Variants in ACAN observed in about 807,000 individuals in gnomAD.
The protein encoded by ACAN is aggrecan core protein.
Under a neutral mutation model 169.1 loss-of-function variants are expected in ACAN, and 47 were observed. The ratio of observed to expected loss-of-function variants is 0.28; its 90% CI spans 0.22 to 0.35. ACAN has a LOEUF of 0.35. Ranked by LOEUF, ACAN falls within the 10% of genes least tolerant of loss-of-function variation. The pLI, the probability that ACAN is intolerant of heterozygous loss-of-function variation, is 1.00. For synonymous variants in ACAN, 1,115 were observed against 1,112.2 expected, an observed-to-expected ratio of 1.00 and a Z score of -0.05; for missense variants, 2,716 against 2,759.9, an observed-to-expected ratio of 0.98 and a Z score of 0.36.
In ACAN at chr15:88,817,051, T is replaced by C. The variant is rs1460836501; in HGVS notation, c.-8+13242T>C. Among the ~76,000 whole-genome samples the C allele has an allele frequency of 2.6e-5, 4 of 152,228 alleles. No homozygotes were observed. The East Asian group carries it at 7.7e-4, about 29-fold the overall frequency. On this transcript the variant is annotated intron_variant, in intron 1 of 18. Coordinates refer to ENST00000560601, the MANE Select transcript of ACAN (RefSeq NM_001369268.1). ...CCACCTTGGTCACTGGGGAGCCCTT[T>C]GGCTTTACATAAAACTCCTGCTCTC...
Position 88,874,428 on chromosome 15 carries a change from C to T in ACAN, c.7654C>T (p.Gln2552Ter). 6.2e-7 allele frequency: 1 copy of T among 1,607,266 alleles called. No homozygotes were observed. The highest frequency in any genetic ancestry group is 1.7e-5 in the Admixed American group (1 of 59,144). The change falls in exon 19 of 19, where the codon CAG becomes TAG. Residue 2552 changes from glutamine (Q) to a stop codon, truncating the protein, a stop_gained. Coordinates refer to ENST00000560601, the MANE Select transcript of ACAN (RefSeq NM_001369268.1). LOFTEE classifies it high-confidence loss of function. The surrounding 1 kb of genome is among the most constrained non-coding windows in gnomAD (Gnocchi z 7.3). The part of the protein sequence containing the change: ...TDPTTYKRRL[Q>*]KRSSRHPRRS... Reference sequence around the variant, plus strand: ...AGCCACCACCTACAAACGCAGACTACAGAAGCGGAGCTCACGGCACCCTCG... The same window carrying T: ...AGCCACCACCTACAAACGCAGACTATAGAAGCGGAGCTCACGGCACCCTCG...
At chr15:88,853,302 T>G (rs1315354845) in intron 11 of ACAN, among the ~76,000 whole-genome samples, 1 of 152,164 alleles carries the variant, frequency 6.6e-6, no homozygotes, top group Non-Finnish European at 1.5e-5. Flanking sequence ...TGCACTATCA[T>G]TTGCTCCATG....
Position 88,825,152 on chromosome 15 carries a change from C to T in ACAN, c.-7-11048C>T, listed in dbSNP as rs568518686. On this transcript the variant is annotated intron_variant, in intron 1 of 18. Transcript: ENST00000560601. Reference sequence around the variant, plus strand: ...ATAGTGATCTGAGCAGGAGCAGGAGCGGATCACATGGGGCCTCACAGGCCC... The same window carrying T: ...ATAGTGATCTGAGCAGGAGCAGGAGTGGATCACATGGGGCCTCACAGGCCC... Among the ~76,000 whole-genome samples, 24 of 152,186 alleles carry T rather than the reference C, an allele frequency of 1.6e-4. No homozygotes were observed. In the South Asian group the frequency reaches 3.5e-3, roughly 22 times the overall value.
chr15:88,818,384 T>C (rs528309608), intron 1 of ACAN, among the ~76,000 whole-genome samples: 11 of 152,324 alleles, frequency 7.2e-5, no homozygotes, highest in South Asian at 6.2e-4. Context: ...TGGTGTGCCA[T>C]TGGGAGAAAG....
intron 1 of ACAN, among the ~76,000 whole-genome samples, chr15:88,823,576 C>T (rs1896131377): frequency 6.6e-6 from 1 of 152,142 alleles, no homozygotes; most frequent in Admixed American, 6.5e-5. Context: ...TGGGAAAAGG[C>T]TGATGGTGTT....
intron 1 of ACAN, among the ~76,000 whole-genome samples, chr15:88,816,045 A>AC (rs1895935091): frequency 6.6e-6 from 1 of 152,122 alleles, no homozygotes; most frequent in African/African-American, 2.4e-5. Flanking sequence ...CAGCTGCGTC[A>AC]CTCCCATCTC....
At chr15:88,811,250 C>T (rs945497172) in intron 1 of ACAN, among the ~76,000 whole-genome samples, 4 of 152,208 alleles carry the variant, frequency 2.6e-5, no homozygotes, top group East Asian at 1.9e-4. Flanking sequence ...CCTTGGAAAT[C>T]ACCAAGTTTT....
Position 88,838,845 on chromosome 15 carries a change from G to A in ACAN, c.253G>A (p.Val85Met). 1.2e-6 allele frequency: 2 copies of A among 1,614,066 alleles called. No individual in the cohort carries two copies. The highest frequency in any genetic ancestry group is 1.7e-6 in the Non-Finnish European group (2 of 1,179,914). The change falls in exon 3 of 19, where the codon GTG (valine) becomes ATG (methionine). Residue 85 changes from valine to methionine, a missense_variant. This residue lies in a region of ACAN where 1,283 missense variants were observed against 1,281.5 expected (regional missense o/e 1.00). Transcript: ENST00000560601. The surrounding 1 kb of genome is among the most constrained non-coding windows in gnomAD (Gnocchi z 5.1). ...WSRVSKEKEV[V>M]LLVATEGRVR... is the part of the protein sequence containing the mutation. ...CCGTGTGTCCAAGGAGAAGGAGGTAGTGCTGCTGGTGGCCACTGAAGGGCG... is the reference window on the plus strand; with the variant it reads ...CCGTGTGTCCAAGGAGAAGGAGGTAATGCTGCTGGTGGCCACTGAAGGGCG...
At position 88,858,600 on chromosome 15, in the gene ACAN, T is replaced by C; in HGVS notation, c.6015T>C (p.Ser2005=). The change falls in exon 12 of 19, where the codon AGT becomes AGC. Residue 2005 remains serine, a synonymous_variant. Transcript: ENST00000560601. The surrounding 1 kb of genome is among the most constrained non-coding windows in gnomAD (Gnocchi z 4.0). ...AGCCACCAGGTACTCCATATTTTAG[T>C]GGGGATTTTGCCAGCACCACCAATG... ...SGEPPGTPYF[S]GDFASTTNVS... is the part of the protein sequence containing the mutation. The C allele has an allele frequency of 2.5e-6, 4 of 1,613,882 alleles. No individual in the cohort carries two copies. The highest frequency in any genetic ancestry group is 3.4e-6 in the Non-Finnish European group (4 of 1,179,882).
At chr15:88,864,272 C>G (rs1012810608) in intron 13 of ACAN, among the ~76,000 whole-genome samples, 1 of 145,052 alleles carries the variant, frequency 6.9e-6, no homozygotes, top group Non-Finnish European at 1.5e-5. Flanking sequence ...ATGTTATAAC[C>G]TTTTTTTTTT....
intron 1 of ACAN, among the ~76,000 whole-genome samples, chr15:88,819,939 A>G (rs933430415): frequency 1.3e-5 from 2 of 152,072 alleles, no homozygotes; most frequent in East Asian, 3.8e-4. Flanking sequence ...AGTCAGACCA[A>G]TCCGGGTTTG....
At chr15:88,840,433 A>G (rs575926907) in intron 4 of ACAN, among the ~76,000 whole-genome samples, 1 of 152,186 alleles carries the variant, frequency 6.6e-6, no homozygotes, top group Non-Finnish European at 1.5e-5. Context: ...CCTACATGTC[A>G]TTATTTTTCC....
chr15:88,813,052 T>C (rs546135442), intron 1 of ACAN, among the ~76,000 whole-genome samples: 2 of 152,328 alleles, frequency 1.3e-5, no homozygotes, highest in South Asian at 2.1e-4. Context: ...CTTCTTAATA[T>C]GCTGATGGAC....
Position 88,869,255 on chromosome 15 carries a change from T to A in ACAN, c.7060+926T>A. 6.6e-6 allele frequency among the ~76,000 whole-genome samples: 1 copy of A among 152,120 alleles called. No individual in the cohort carries two copies. Among genetic ancestry groups the A allele is most frequent in the East Asian group, 1.9e-4 (1 of 5,192 alleles). ...ACAGAACTGGAAGTGTGTAGGGGCT[T>A]AAAATCCTTTTCAATGAACTCTCAA... On this transcript the variant is annotated intron_variant, in intron 14 of 18. Transcript: ENST00000560601. This position sits in a 1 kb window ranked among gnomAD's most constrained non-coding sequence, Gnocchi z 4.2.
intron 1 of ACAN, among the ~76,000 whole-genome samples, chr15:88,830,296 C>A (rs1490817236): frequency 6.6e-6 from 1 of 152,210 alleles, no homozygotes; most frequent in Non-Finnish European, 1.5e-5. Context: ...CCTTCCCCAG[C>A]CCGTTTCTTT....
In ACAN at chr15:88,810,520, C is replaced by A. The variant is rs560862283; in HGVS notation, c.-8+6711C>A. ...CCTTGGCCTGACCCTCCCCTCACTC[C>A]ATCCCTCCCCAAGCAGATGCTCCCT... On this transcript the variant is annotated intron_variant, in intron 1 of 18. Coordinates refer to ENST00000560601, the MANE Select transcript of ACAN (RefSeq NM_001369268.1). 3.9e-3 allele frequency among the ~76,000 whole-genome samples: 599 copies of A among 152,164 alleles called. 4 individuals carry two copies. Among genetic ancestry groups the A allele is most frequent in the African/African-American group, 0.014 (571 of 41,528 alleles).
At chr15:88,867,502 G>A (rs1596153904) in intron 13 of ACAN, among the ~76,000 whole-genome samples, 1 of 152,202 alleles carries the variant, frequency 6.6e-6, no homozygotes, top group Non-Finnish European at 1.5e-5. Context: ...TAAGCTGAAA[G>A]GAGATTATAT....
intron 1 of ACAN, among the ~76,000 whole-genome samples, chr15:88,805,237 C>A (rs1895648194): frequency 6.6e-6 from 1 of 152,000 alleles, no homozygotes; most frequent in Non-Finnish European, 1.5e-5. Flanking sequence ...TATGAAGATA[C>A]GGTTTAGGAG....
Position 88,851,378 on chromosome 15 carries a change from CTTAA to C in ACAN, c.2027-415_2027-412del. On this transcript the variant is annotated intron_variant, in intron 10 of 18. Transcript: ENST00000560601. This position sits in a 1 kb window ranked among gnomAD's most constrained non-coding sequence, Gnocchi z 4.3. The stretch of plus-strand genomic sequence containing the variant: ...AGAGCGTGGAGTCTGGTACCAGATG[CTTAA>C]ATTCAAAGACTAGATCTGACATTTG... 6.1e-6 allele frequency: 1 copy of C among 163,048 alleles called. No individual in the cohort carries two copies. The highest frequency in any genetic ancestry group is 1.3e-5 in the Non-Finnish European group (1 of 75,022). The allele number at this position is 163,048 out of a possible 1,614,324, so 10.1% of individuals were successfully genotyped here.
Sources: allele counts gnomAD v4.1 joint callset (sites outside exome capture counted in the v4.1 genomes callset), GRCh38; gene constraint gnomAD v4.1.1; regional missense constraint gnomAD v4.1.1; non-coding constraint Gnocchi (gnomAD v3.1); transcripts MANE v1.5; gene names NCBI Gene and HGNC (gene_info 2026-07-23, HGNC 2026-07-21).